Variants in MAB21L3 observed in about 807,000 individuals in gnomAD.
MAB21L3 encodes the protein mab-21 like 3, also known as protein mab-21-like 3.
MAB21L3 carries 36 observed loss-of-function variants against 37.7 expected under a neutral mutation model. That is an observed-to-expected ratio of 0.96 (90% CI 0.73 to 1.26). The LOEUF is 1.26. Among genes scored for constraint, MAB21L3 ranks in the 50% most tolerant of loss-of-function variants. MAB21L3 has a pLI of 0.00. For synonymous variants in MAB21L3, 186 were observed against 176.8 expected (o/e 1.05, Z -0.41); for missense variants, 430 against 447.3 (o/e 0.96, Z 0.35).
intron 3 of MAB21L3, among the ~76,000 whole-genome samples, chr1:116,120,428 C>CACACACACACAG (rs113760206): frequency 5.4e-4 from 81 of 149,698 alleles, no homozygotes; most frequent in African/African-American, 1.8e-3. Flanking sequence ...CACACACACA[C>CACACACACACAG]ACAAACACAC....
Position 116,133,278 on chromosome 1 carries a change from C to G in MAB21L3, c.1002C>G (p.Leu334=), listed in dbSNP as rs1291200681. 1.2e-6 allele frequency: 2 copies of G among 1,614,108 alleles called. No homozygotes were observed. Among genetic ancestry groups the G allele is most frequent in the African/African-American group, 2.7e-5 (2 of 74,932 alleles). ...LKHYFVRNSN[L]FQCTNPTELD... ...ACTATTTCGTCCGGAACAGCAACCT[C>G]TTTCAGTGCACCAACCCGACTGAAC... Residue 334 remains leucine (L), a synonymous_variant, in exon 8 of 8, where the codon CTC becomes CTG. Coordinates refer to ENST00000369500, the MANE Select transcript of MAB21L3 (RefSeq NM_152367.3).
chr1:116,133,442 G>A lies in MAB21L3; in HGVS notation c.*77G>A, dbSNP rs986409254. ...GTTCTTTGGATGGTTCCTCAGTCAGGTGCCAGGATCCTGCCTAGGAGAAAG... is the reference window on the plus strand; with the variant it reads ...GTTCTTTGGATGGTTCCTCAGTCAGATGCCAGGATCCTGCCTAGGAGAAAG... On this transcript the variant is annotated 3_prime_UTR_variant, in exon 8 of 8. Transcript: ENST00000369500. 7 of 1,359,686 alleles carry A rather than the reference G, an allele frequency of 5.1e-6. No individual in the cohort carries two copies. The Admixed American group carries it at 5.6e-5, about 11-fold the overall frequency. 84.2% of individuals were successfully genotyped at this position (1,359,686 alleles called of 1,614,324 possible). A position where few individuals can be genotyped will look rare whatever the true frequency, so the allele number is the denominator to read the frequency against.
intron 4 of MAB21L3, among the ~76,000 whole-genome samples, chr1:116,123,281 T>C (rs892677070): frequency 6.6e-6 from 1 of 152,220 alleles, no homozygotes; most frequent in Non-Finnish European, 1.5e-5. Flanking sequence ...TTCTGATTGT[T>C]TGCTTTTTTC....
At chr1:116,112,844 G>A (rs1234321001) in intron 3 of MAB21L3, among the ~76,000 whole-genome samples, 181 bp downstream of exon 3, 4 of 152,140 alleles carry the variant, frequency 2.6e-5, no homozygotes, top group African/African-American at 9.7e-5. Context: ...ACTTCTCTTT[G>A]AGGGTCTGGT....
At chr1:116,120,883 G>C in intron 3 of MAB21L3, 49 bp from the exon 4 acceptor site, 4 of 1,605,064 alleles carry the variant, frequency 2.5e-6, no homozygotes, top group Non-Finnish European at 3.4e-6. Context: ...CTGGTATCTT[G>C]GGGCCCACAG....
Position 116,133,446 on chromosome 1 carries a change from C to T in MAB21L3, c.*81C>T. On this transcript the variant is annotated 3_prime_UTR_variant, in exon 8 of 8. Transcript: ENST00000369500. Reference sequence around the variant, plus strand: ...TTTGGATGGTTCCTCAGTCAGGTGCCAGGATCCTGCCTAGGAGAAAGGCCA... The same window carrying T: ...TTTGGATGGTTCCTCAGTCAGGTGCTAGGATCCTGCCTAGGAGAAAGGCCA... 7.7e-7 allele frequency: 1 copy of T among 1,304,424 alleles called. No individual in the cohort carries two copies. The highest frequency in any genetic ancestry group is 2.4e-5 in the East Asian group (1 of 41,564). The allele number at this position is 1,304,424 out of a possible 1,614,324, so 80.8% of individuals were successfully genotyped here.
intron 4 of MAB21L3, among the ~76,000 whole-genome samples, chr1:116,121,672 G>A (rs1447629154): frequency 6.6e-6 from 1 of 152,126 alleles, no homozygotes; most frequent in Non-Finnish European, 1.5e-5. Flanking sequence ...AGTAGAAGAG[G>A]TGCCACTGAG....
rs1230993747 is a variant in MAB21L3, at chr1:116,134,704, G to A, written c.*1339G>A. 2 of 152,188 alleles carry A rather than the reference G, an allele frequency of 1.3e-5. No individual in the cohort carries two copies. The highest frequency in any genetic ancestry group is 4.8e-5 in the African/African-American group (2 of 41,438). The allele number at this position is 152,188 out of a possible 1,614,324, so 9.4% of individuals were successfully genotyped here. ...TTGTTCTGGTAACTGCATGAAGAAG[G>A]TCTGGGGACTCACACAGGAGCTGGG... On this transcript the variant is annotated 3_prime_UTR_variant, in exon 8 of 8. Transcript: ENST00000369500.
At chr1:116,130,190 A>G (rs1660033075) in intron 7 of MAB21L3, among the ~76,000 whole-genome samples, 1 of 152,234 alleles carries the variant, frequency 6.6e-6, no homozygotes, top group Non-Finnish European at 1.5e-5. Flanking sequence ...GGCAGGATTG[A>G]ATGGGGCCAC....
intron 3 of MAB21L3, among the ~76,000 whole-genome samples, chr1:116,116,652 G>A (rs186475913): frequency 3.3e-5 from 5 of 152,178 alleles, no homozygotes; most frequent in East Asian, 3.9e-4. Context: ...TCTAACTGCC[G>A]GTGTGATGTT....
chr1:116,121,725 A>C (rs893664382), intron 4 of MAB21L3, among the ~76,000 whole-genome samples: 2 of 152,160 alleles, frequency 1.3e-5, no homozygotes, highest in Admixed American at 1.3e-4. Flanking sequence ...CTGCTAAAGA[A>C]TCCCACCCAG....
rs531209141 is a variant in MAB21L3 at position 116,112,630 on chromosome 1, T to C, written c.15T>C (p.Thr5=). The part of the protein sequence containing the change: MKYL[T]VGDLEDCLLN... ...ACCAAGAAGCCATGAAATACCTTAC[T>C]GTGGGAGACTTAGAAGATTGCCTAC... The change falls in exon 3 of 8, where the codon ACT becomes ACC. Residue 5 remains threonine (T), a synonymous_variant. Coordinates refer to ENST00000369500, the MANE Select transcript of MAB21L3 (RefSeq NM_152367.3). 4.3e-5 allele frequency: 69 copies of C among 1,613,030 alleles called. 1 individual carries two copies. The East Asian group carries it at 5.6e-4, about 13-fold the overall frequency.
chr1:116,115,830 G>T (rs1659572673), intron 3 of MAB21L3, among the ~76,000 whole-genome samples: 1 of 152,194 alleles, frequency 6.6e-6, no homozygotes, highest in Non-Finnish European at 1.5e-5. Flanking sequence ...TAAGGAGGAG[G>T]AGGGGAAAGC....
intron 6 of MAB21L3, 108 bp downstream of exon 6, chr1:116,127,752 T>A: frequency 8.2e-7 from 1 of 1,214,392 alleles, no homozygotes; most frequent in Non-Finnish European, 1.1e-6. Context: ...GAGGTGTTAC[T>A]AGATCAGCAG....
At chr1:116,120,081 T>C (rs138315755) in intron 3 of MAB21L3, among the ~76,000 whole-genome samples, 24 of 152,256 alleles carry the variant, frequency 1.6e-4, no homozygotes, top group Admixed American at 1.5e-3. Flanking sequence ...AATACCATGG[T>C]AGAGTCTCAC....
chr1:116,123,934 G>A (rs1034397540), intron 4 of MAB21L3, 132 bp from the exon 5 acceptor site: 29 of 837,146 alleles, frequency 3.5e-5, no homozygotes, highest in African/African-American at 1.5e-4. Context: ...CGAGGTCTCC[G>A]TGTATCTGGT....
Position 116,136,515 on chromosome 1 carries a change from G to A in MAB21L3, c.*3150G>A, listed in dbSNP as rs1358246088. Among the ~76,000 whole-genome samples, 1 of 152,126 alleles carries A rather than the reference G, an allele frequency of 6.6e-6. No homozygotes were observed. The highest frequency in any genetic ancestry group is 6.5e-5 in the Admixed American group (1 of 15,274). ...GAAGAACATTCCATGCTCATGGGTAGGAAGAATCAATATCGTCAAAATGGC... is the reference window on the plus strand; with the variant it reads ...GAAGAACATTCCATGCTCATGGGTAAGAAGAATCAATATCGTCAAAATGGC... On this transcript the variant is annotated 3_prime_UTR_variant, in exon 8 of 8. Transcript: ENST00000369500.
intron 3 of MAB21L3, among the ~76,000 whole-genome samples, chr1:116,113,972 G>A (rs1482114381): frequency 3.3e-5 from 5 of 152,126 alleles, no homozygotes; most frequent in African/African-American, 4.8e-5. Flanking sequence ...ACTGGGCCCT[G>A]AGCAGGCCAA....
rs1660199101 is a variant in MAB21L3 at position 116,136,399 on chromosome 1, T to C, written c.*3034T>C. ...ATTGCTTCAAAGAGAATAAAATACT[T>C]AGGAATCCAACTTACAAGGGACGTG... On this transcript the variant is annotated 3_prime_UTR_variant, in exon 8 of 8. Coordinates refer to ENST00000369500, the MANE Select transcript of MAB21L3 (RefSeq NM_152367.3). Among the ~76,000 whole-genome samples, 1 of 152,022 alleles carries C rather than the reference T, an allele frequency of 6.6e-6. No homozygotes were observed. The highest frequency in any genetic ancestry group is 6.5e-5 in the Admixed American group (1 of 15,276).
Sources: allele counts gnomAD v4.1 joint callset (sites outside exome capture counted in the v4.1 genomes callset), GRCh38; gene constraint gnomAD v4.1.1; transcripts MANE v1.5; gene names NCBI Gene and HGNC (gene_info 2026-07-23, HGNC 2026-07-21).